The following NBEA variants were observed in gnomAD, a reference collection of about 807,000 sequenced individuals.
The protein encoded by NBEA is neurobeachin.
A neutral mutation model predicts 343.4 loss-of-function variants in NBEA; 44 were observed. That is an observed-to-expected ratio of 0.13 (90% CI 0.10 to 0.16). NBEA has a LOEUF of 0.16. NBEA is among the 10% of genes least tolerant of loss of function. The probability of loss-of-function intolerance (pLI) is 1.00; values close to 1 mark genes in which losing one functional copy is unlikely to be tolerated. For synonymous variants in NBEA, 1,175 were observed against 1,238.7 expected, an observed-to-expected ratio of 0.95 and a Z score of 1.08; for missense variants, 2,555 against 3,631.3, an observed-to-expected ratio of 0.70 and a Z score of 7.62.
chr13:35,655,221 A>C (rs1038650717), intron 54 of NBEA, among the ~76,000 whole-genome samples: 1 of 152,196 alleles, frequency 6.6e-6, no homozygotes, highest in African/African-American at 2.4e-5. Flanking sequence ...TCATAGGACA[A>C]ATGGGGCTAT....
At chr13:35,151,315 G>A (rs1176174280) in intron 18 of NBEA, among the ~76,000 whole-genome samples, 1 of 151,892 alleles carries the variant, frequency 6.6e-6, no homozygotes, top group Non-Finnish European at 1.5e-5. Context: ...AGGCCGAGGT[G>A]GGTGGATCAA....
At chr13:35,176,759 G>A (rs2070929240) in intron 27 of NBEA, among the ~76,000 whole-genome samples, 2 of 151,964 alleles carry the variant, frequency 1.3e-5, no homozygotes, top group Middle Eastern at 3.4e-3. Flanking sequence ...AACTTTACCT[G>A]CCTTTATGAG....
intron 41 of NBEA, among the ~76,000 whole-genome samples, chr13:35,487,647 G>T (rs1048870494): frequency 6.6e-6 from 1 of 151,676 alleles, no homozygotes; most frequent in Non-Finnish European, 1.5e-5. Flanking sequence ...ACTTACAACA[G>T]TTCTAGTGGT....
At chr13:35,439,953 C>T (rs751061694) in intron 39 of NBEA, among the ~76,000 whole-genome samples, 5 of 152,170 alleles carry the variant, frequency 3.3e-5, no homozygotes, top group Non-Finnish European at 7.3e-5. Context: ...GATCTTGGCT[C>T]ACTGCAACCG....
At position 35,655,626 on chromosome 13, in the gene NBEA, T is replaced by C; in HGVS notation, c.8239T>C (p.Leu2747=). 6.2e-7 allele frequency: 1 copy of C among 1,613,974 alleles called. No homozygotes were observed. Among genetic ancestry groups the C allele is most frequent in the Non-Finnish European group, 8.5e-7 (1 of 1,179,880 alleles). ...VFGHWDVVTC[L]ARSESYIGGD... ...TGGCCATTGGGATGTGGTCACTTGCTTGGCCAGGTCCGAGTCATACATTGG... is the reference window on the plus strand; with the variant it reads ...TGGCCATTGGGATGTGGTCACTTGCCTGGCCAGGTCCGAGTCATACATTGG... The change falls in exon 55 of 59, where the codon TTG becomes CTG. Residue 2747 remains leucine, a synonymous_variant. Coordinates refer to ENST00000379939, the MANE Select transcript of NBEA (RefSeq NM_001385012.1).
intron 10 of NBEA, among the ~76,000 whole-genome samples, chr13:35,071,596 A>G (rs905382926): frequency 2.0e-5 from 3 of 152,056 alleles, no homozygotes; most frequent in African/African-American, 7.2e-5. Context: ...TGGGCAAGTT[A>G]TATAGATAAG....
At chr13:35,445,309 T>G (rs945310239) in intron 39 of NBEA, among the ~76,000 whole-genome samples, 1 of 152,172 alleles carries the variant, frequency 6.6e-6, no homozygotes, top group Admixed American at 6.6e-5. Context: ...TCCTCTTGTT[T>G]TATTTATTTT....
chr13:35,350,728 ATGTGTG>A (rs34088295), intron 37 of NBEA, among the ~76,000 whole-genome samples: 3,826 of 137,892 alleles, frequency 0.028, 149 homozygotes, highest in African/African-American at 0.087. Context: ...AGAGCTATTG[ATGTGTG>A]TGTGTGTGTG....
chr13:35,081,802 T>G (rs541771917), intron 10 of NBEA, among the ~76,000 whole-genome samples: 10 of 152,298 alleles, frequency 6.6e-5, no homozygotes, highest in African/African-American at 2.2e-4. Flanking sequence ...TTAAAAATAC[T>G]TTGCGAAATT....
chr13:35,271,781 TA>T lies in NBEA; in HGVS notation c.5777-18605del, dbSNP rs2034176946. 2.0e-5 allele frequency among the ~76,000 whole-genome samples: 3 copies of T among 151,970 alleles called. No homozygotes were observed. In the East Asian group the frequency reaches 5.8e-4, roughly 29 times the overall value. ...GCAATTGAACATCAAATTAATGAAG[TA>T]AAGCATGAAGACAAGATTAGAGAAA... On this transcript the variant is annotated intron_variant, in intron 34 of 58. Transcript: ENST00000379939.
intron 26 of NBEA, among the ~76,000 whole-genome samples, chr13:35,172,220 A>T (rs2070518738): frequency 6.6e-6 from 1 of 152,016 alleles, no homozygotes. Context: ...AGAAAGGAAC[A>T]AAGACTTGGT....
intron 40 of NBEA, among the ~76,000 whole-genome samples, chr13:35,465,248 C>T (rs541322223): frequency 2.6e-5 from 4 of 152,088 alleles, no homozygotes; most frequent in Admixed American, 2.6e-4. Flanking sequence ...TGGTATATAT[C>T]ATTTTCTATA....
chr13:35,210,762 G>A (rs2073717937), intron 32 of NBEA, among the ~76,000 whole-genome samples: 1 of 152,000 alleles, frequency 6.6e-6, no homozygotes. Context: ...TGTTTTATCA[G>A]CATCATTTTA....
intron 10 of NBEA, among the ~76,000 whole-genome samples, chr13:35,074,985 C>T (rs1279906283): frequency 6.6e-6 from 1 of 152,150 alleles, no homozygotes. Context: ...TCCCTTTTCC[C>T]TGATAGCCAC....
At chr13:35,099,025 CTT>C (rs35150346) in intron 11 of NBEA, among the ~76,000 whole-genome samples, 12 of 125,838 alleles carry the variant, frequency 9.5e-5, no homozygotes, top group East Asian at 2.4e-4. Context: ...TTCACTTAGA[CTT>C]TTTTTTTTTT....
intron 38 of NBEA, among the ~76,000 whole-genome samples, chr13:35,421,253 A>AT (rs1256839765): frequency 6.6e-6 from 1 of 151,330 alleles, no homozygotes; most frequent in Non-Finnish European, 1.5e-5. Context: ...AGGGTTATTT[A>AT]TTTTTTCTGC....
At chr13:35,625,210 C>T in intron 48 of NBEA, among the ~76,000 whole-genome samples, 1 of 152,110 alleles carries the variant, frequency 6.6e-6, no homozygotes, top group Non-Finnish European at 1.5e-5. Context: ...ATTTGATGAT[C>T]TCAAAATTAA....
rs754812077 is a variant in NBEA at position 35,474,902 on chromosome 13, G to A, written c.6585+2366G>A. 7 of 918,174 alleles carry A rather than the reference G, an allele frequency of 7.6e-6. 1 individual carries two copies. The highest frequency in any genetic ancestry group is 3.1e-4 in the Middle Eastern group (1 of 3,264). The allele number at this position is 918,174 out of a possible 1,614,324, so 56.9% of individuals were successfully genotyped here. A position where few individuals can be genotyped will look rare whatever the true frequency, so the allele number is the denominator to read the frequency against. On this transcript the variant is annotated intron_variant, in intron 41 of 58. Coordinates refer to ENST00000379939, the MANE Select transcript of NBEA (RefSeq NM_001385012.1). ...CCCCTACTTTTTCTCCCCTTGTGGG[G>A]GTGGGTGAGATGATGTTTAAATATT...
At chr13:35,425,089 A>G (rs894779799) in intron 38 of NBEA, among the ~76,000 whole-genome samples, 2 of 152,016 alleles carry the variant, frequency 1.3e-5, no homozygotes, top group African/African-American at 2.4e-5. Context: ...TGATCTTTTC[A>G]GAAAACCAGC....
Sources: gnomAD v4.1 joint callset for allele counts (sites outside exome capture counted in the v4.1 genomes callset) on GRCh38, gnomAD v4.1.1 for gene constraint, MANE v1.5 for transcripts, NCBI Gene and HGNC (gene_info 2026-07-23, HGNC 2026-07-21) for gene names.